BICC1: variants seen among roughly 807,000 people sequenced by gnomAD.
BICC1 encodes protein bicaudal C homolog 1.
A neutral mutation model predicts 111.0 loss-of-function variants in BICC1; 43 were observed. The observed-to-expected ratio is 0.39, with a 90% CI of 0.30 to 0.50. BICC1 has a LOEUF of 0.50. Among genes scored for constraint, BICC1 ranks in the 20% least tolerant of loss-of-function variants. The pLI is 0.88. For synonymous variants in BICC1, 467 were observed against 434.4 expected (o/e 1.07, Z -0.93); for missense variants, 1,091 against 1,203.2 (o/e 0.91, Z 1.38).
At chr10:58,703,907 G>A (rs1356198905) in intron 3 of BICC1, among the ~76,000 whole-genome samples, 4 of 151,308 alleles carry the variant, frequency 2.6e-5, no homozygotes, top group African/African-American at 9.7e-5. Context: ...AACTTTTTAT[G>A]TCTTATTCTC....
intron 2 of BICC1, among the ~76,000 whole-genome samples, chr10:58,698,585 G>A (rs972939157): frequency 2.6e-5 from 4 of 152,070 alleles, no homozygotes; most frequent in African/African-American, 7.2e-5. Flanking sequence ...CCATGATGGC[G>A]GTTGGCTTAT....
intron 1 of BICC1, among the ~76,000 whole-genome samples, chr10:58,551,232 A>G (rs1403982187): frequency 2.0e-5 from 3 of 152,212 alleles, no homozygotes; most frequent in East Asian, 1.9e-4. Flanking sequence ...TGTGAACTAG[A>G]TTAATGAAAT....
At chr10:58,814,649 G>T (rs1844028722) in intron 18 of BICC1, among the ~76,000 whole-genome samples, 2 of 151,582 alleles carry the variant, frequency 1.3e-5, no homozygotes, top group South Asian at 4.2e-4. Context: ...CAAGAGGCTG[G>T]GTGTGGTGGT....
Position 58,653,403 on chromosome 10 carries a change from G to A in BICC1, c.237+32502G>A, listed in dbSNP as rs140951926. On this transcript the variant is annotated intron_variant, in intron 2 of 20. Transcript: ENST00000373886. ...AGCCCTGCTGATGGGACAAATGCTT[G>A]ATAAATCACATTCACACCAAGACTG... Among the ~76,000 whole-genome samples the A allele has an allele frequency of 3.1e-3, 474 of 152,184 alleles. 3 individuals carry two copies. Among genetic ancestry groups the A allele is most frequent in the African/African-American group, 0.011 (442 of 41,530 alleles).
chr10:58,602,508 G>A (rs181436325), intron 1 of BICC1, among the ~76,000 whole-genome samples: 100 of 152,132 alleles, frequency 6.6e-4, no homozygotes, highest in African/African-American at 9.4e-4. Flanking sequence ...GACTTTAAAC[G>A]GAATAAATTA....
intron 2 of BICC1, among the ~76,000 whole-genome samples, chr10:58,683,598 A>G (rs960868995): frequency 2.6e-5 from 4 of 152,070 alleles, no homozygotes; most frequent in Admixed American, 6.6e-5. Flanking sequence ...GTCCTTCACA[A>G]ACTTTTAAGT....
chr10:58,814,365 A>G (rs1844016683), intron 18 of BICC1: 2 of 518,142 alleles, frequency 3.9e-6, no homozygotes, highest in Non-Finnish European at 6.8e-6. Flanking sequence ...TTTCTTCCCA[A>G]ACGCCTAGTG....
intron 1 of BICC1, among the ~76,000 whole-genome samples, chr10:58,610,465 A>T (rs1845380577): frequency 6.6e-6 from 1 of 152,166 alleles, no homozygotes; most frequent in African/African-American, 2.4e-5. Flanking sequence ...TCCTCCCCCT[A>T]ACCTCCATCA....
intron 1 of BICC1, among the ~76,000 whole-genome samples, chr10:58,591,464 C>A (rs4948524): frequency 0.47 from 70,863 of 151,842 alleles, 17,513 homozygotes; most frequent in Admixed American, 0.63. Flanking sequence ...TTCTCTGTAA[C>A]CTCACATGAT....
At position 58,584,071 on chromosome 10, in the gene BICC1, C is replaced by T. The variant is rs973936867; in HGVS notation, c.191-36784C>T. 3.5e-3 allele frequency among the ~76,000 whole-genome samples: 530 copies of T among 150,988 alleles called. 3 individuals carry two copies. Among genetic ancestry groups the T allele is most frequent in the East Asian group, 0.031 (160 of 5,122 alleles). Reference sequence around the variant, plus strand: ...TAAACATGAAACACACACACACACACACACACACACACACACACACACACA... The same window carrying T: ...TAAACATGAAACACACACACACACATACACACACACACACACACACACACA... On this transcript the variant is annotated intron_variant, in intron 1 of 20. Coordinates refer to ENST00000373886, the MANE Select transcript of BICC1 (RefSeq NM_001080512.3).
At chr10:58,627,518 T>C (rs532617439) in intron 2 of BICC1, among the ~76,000 whole-genome samples, 9 of 152,366 alleles carry the variant, frequency 5.9e-5, no homozygotes, top group African/African-American at 2.2e-4. Flanking sequence ...ATGGTTGATA[T>C]TAAGATTTTG....
At chr10:58,539,907 A>G (rs1564477932) in intron 1 of BICC1, among the ~76,000 whole-genome samples, 1 of 151,958 alleles carries the variant, frequency 6.6e-6, no homozygotes, top group East Asian at 1.9e-4. Context: ...TTAAGAGAAG[A>G]TTGAAGTCAT....
At chr10:58,780,230 A>G (rs1842848550) in intron 3 of BICC1, among the ~76,000 whole-genome samples, 1 of 152,220 alleles carries the variant, frequency 6.6e-6, no homozygotes, top group South Asian at 2.1e-4. Context: ...TATGTACATA[A>G]AATGTACCAC....
Position 58,673,677 on chromosome 10 carries a change from A to G in BICC1, c.238-28397A>G, listed in dbSNP as rs148380015. ...CCCTGTGTCACACAGGCTGGAGTGC[A>G]GTGGCACGATCTTAGCTCACTGCAA... On this transcript the variant is annotated intron_variant, in intron 2 of 20. Transcript: ENST00000373886. Among the ~76,000 whole-genome samples, 1,327 of 152,120 alleles carry G rather than the reference A, an allele frequency of 8.7e-3. 21 individuals are homozygous for G. Among genetic ancestry groups the G allele is most frequent in the African/African-American group, 0.03 (1,238 of 41,466 alleles).
intron 3 of BICC1, among the ~76,000 whole-genome samples, chr10:58,703,674 C>A (rs1840306510): frequency 6.6e-6 from 1 of 152,166 alleles, no homozygotes. Context: ...GAAGAAGAAA[C>A]TGCCGTTCAT....
chr10:58,581,904 C>T (rs1407117952), intron 1 of BICC1, among the ~76,000 whole-genome samples: 2 of 151,964 alleles, frequency 1.3e-5, no homozygotes, highest in Admixed American at 1.3e-4. Context: ...TCCTCTCTAT[C>T]TCTCCTCCCC....
chr10:58,798,970 C>CA, intron 11 of BICC1, 86 bp from the exon 12 acceptor site: 1 of 1,080,438 alleles, frequency 9.3e-7, no homozygotes. Flanking sequence ...CTTGCAGCAA[C>CA]AAAAATGATA....
intron 3 of BICC1, among the ~76,000 whole-genome samples, chr10:58,707,927 C>T (rs1840440279): frequency 6.6e-6 from 1 of 152,110 alleles, no homozygotes; most frequent in Admixed American, 6.5e-5. Context: ...GAGCTCCCGA[C>T]CTCAGGTATT....
intron 2 of BICC1, among the ~76,000 whole-genome samples, chr10:58,676,613 G>A (rs1355432025): frequency 6.6e-6 from 1 of 152,124 alleles, no homozygotes; most frequent in Non-Finnish European, 1.5e-5. Flanking sequence ...GTGGCTGTGG[G>A]TACAGCATCA....
Sources: allele counts gnomAD v4.1 joint callset (sites outside exome capture counted in the v4.1 genomes callset), GRCh38; gene constraint gnomAD v4.1.1; transcripts MANE v1.5; gene names NCBI Gene and HGNC (gene_info 2026-07-23, HGNC 2026-07-21).